The following DCHS2 variants were observed in gnomAD, a reference collection of about 807,000 sequenced individuals.
DCHS2 encodes dachsous cadherin-related 2.
A neutral mutation model predicts 182.4 loss-of-function variants in DCHS2; 142 were observed. The ratio of observed to expected loss-of-function variants is 0.78; its 90% CI spans 0.68 to 0.89. The LOEUF (loss-of-function observed/expected upper bound fraction) is 0.89, where lower values mean the gene tolerates loss of function less well. DCHS2 is among the 40% of genes least tolerant of loss of function. The probability of loss-of-function intolerance (pLI) is 0.00; values close to 1 mark genes in which losing one functional copy is unlikely to be tolerated. For synonymous variants in DCHS2, 1,740 were observed against 1,663.3 expected (o/e 1.05, Z -1.12); for missense variants, 4,319 against 4,198.6 (o/e 1.03, Z -0.79).
At chr4:154,476,235 A>G (rs1230076666) in intron 1 of DCHS2, among the ~76,000 whole-genome samples, 1 of 152,238 alleles carries the variant, frequency 6.6e-6, no homozygotes, top group African/African-American at 2.4e-5. Flanking sequence ...TGGAAACTCA[A>G]GGTTAAAAGA....
chr4:154,408,418 A>G lies in DCHS2; in HGVS notation c.2053-30974T>C, dbSNP rs1344773912. ...CATAGGAGATCAATCTATAATTTGT[A>G]TATGTTGACCACGGAAAATAAAATG... On this transcript the variant is annotated intron_variant, in intron 1 of 19. Coordinates refer to ENST00000357232, the MANE Select transcript of DCHS2 (RefSeq NM_001358235.2). Among the ~76,000 whole-genome samples, 4 of 152,218 alleles carry G rather than the reference A, an allele frequency of 2.6e-5. 1 individual carries two copies. The South Asian group carries it at 6.2e-4, about 24-fold the overall frequency.
At chr4:154,309,990 G>A (rs932628705) in intron 10 of DCHS2, among the ~76,000 whole-genome samples, 3 of 152,192 alleles carry the variant, frequency 2.0e-5, no homozygotes, top group Admixed American at 6.5e-5. Flanking sequence ...AAGCTGGAAA[G>A]CTCCTATATA....
At chr4:154,331,536 C>T in intron 5 of DCHS2, 1 of 1,553,190 alleles carries the variant, frequency 6.4e-7, no homozygotes, top group Non-Finnish European at 8.7e-7. Context: ...ACCTTCTTGG[C>T]AAGCCATGTG....
rs147315303 is a variant in DCHS2, at chr4:154,245,629, A to T, written c.6942-2857T>A. On this transcript the variant is annotated intron_variant, in intron 16 of 19. Coordinates refer to ENST00000357232, the MANE Select transcript of DCHS2 (RefSeq NM_001358235.2). ...ACTATGATTTCTGGTTAAAGACAGC[A>T]AGCTGACTACACAGGTTTTATCTTC... 4.1e-3 allele frequency among the ~76,000 whole-genome samples: 631 copies of T among 152,310 alleles called. 9 individuals are homozygous for T. The highest frequency in any genetic ancestry group is 0.015 in the African/African-American group (613 of 41,576).
intron 3 of DCHS2, among the ~76,000 whole-genome samples, chr4:154,361,534 G>A (rs913577542): frequency 7.9e-5 from 12 of 152,126 alleles, no homozygotes; most frequent in South Asian, 4.2e-4. Flanking sequence ...GTTTCTTCCC[G>A]TTAAAACTCA....
Position 154,328,245 on chromosome 4 carries a change from A to G in DCHS2, c.3919-53T>C, listed in dbSNP as rs144786309. 616 of 1,286,408 alleles carry G rather than the reference A, an allele frequency of 4.8e-4. 2 individuals carry two copies. The African/African-American group carries it at 7.6e-3, about 16-fold the overall frequency. 79.7% of individuals were successfully genotyped at this position (1,286,408 alleles called of 1,614,324 possible). On this transcript the variant is annotated intron_variant, in intron 6 of 19. Transcript: ENST00000357232. ...TGAGTCAGCAAAAGTTTAAAAAGAAATATCAGTGGACCTTTAAATGAATGA... is the reference window on the plus strand; with the variant it reads ...TGAGTCAGCAAAAGTTTAAAAAGAAGTATCAGTGGACCTTTAAATGAATGA...
intron 3 of DCHS2, among the ~76,000 whole-genome samples, chr4:154,355,266 C>A (rs1316819260): frequency 6.6e-6 from 1 of 152,022 alleles, no homozygotes; most frequent in Non-Finnish European, 1.5e-5. Flanking sequence ...ATGAAAGCAA[C>A]CTATGATCAT....
At chr4:154,347,556 A>G (rs778675796) in intron 3 of DCHS2, among the ~76,000 whole-genome samples, 2 of 151,894 alleles carry the variant, frequency 1.3e-5, no homozygotes, top group South Asian at 2.1e-4. Flanking sequence ...GTACTACAGT[A>G]TAGTACTACA....
At chr4:154,259,034 G>A (rs1732841738) in intron 15 of DCHS2, among the ~76,000 whole-genome samples, 1 of 152,104 alleles carries the variant, frequency 6.6e-6, no homozygotes, top group African/African-American at 2.4e-5. Context: ...AGGATGGGTG[G>A]GTTTTACAGC....
At chr4:154,420,621 G>T (rs1421016863) in intron 1 of DCHS2, among the ~76,000 whole-genome samples, 1 of 152,114 alleles carries the variant, frequency 6.6e-6, no homozygotes, top group African/African-American at 2.4e-5. Flanking sequence ...GAGAGTCAGT[G>T]AATTCACCTT....
At chr4:154,478,777 G>C (rs769702663) in intron 1 of DCHS2, among the ~76,000 whole-genome samples, 1 of 152,138 alleles carries the variant, frequency 6.6e-6, no homozygotes, top group African/African-American at 2.4e-5. Context: ...GAACTGAAAT[G>C]GGGCTTTCAC....
chr4:154,242,552 A>C, intron 17 of DCHS2, 90 bp downstream of exon 17: 1 of 1,464,620 alleles, frequency 6.8e-7, no homozygotes, highest in Non-Finnish European at 9.0e-7. Context: ...GAGGATTAGC[A>C]CTCATGTTAA....
At chr4:154,484,447 T>G (rs1728505179) in intron 1 of DCHS2, among the ~76,000 whole-genome samples, 1 of 152,096 alleles carries the variant, frequency 6.6e-6, no homozygotes, top group Non-Finnish European at 1.5e-5. Flanking sequence ...AACACTGATA[T>G]CTCCCATGTC....
At chr4:154,330,793 T>C (rs962624233) in intron 5 of DCHS2, among the ~76,000 whole-genome samples, 2 of 152,230 alleles carry the variant, frequency 1.3e-5, no homozygotes, top group South Asian at 4.1e-4. Flanking sequence ...ATATATAAAC[T>C]ATATTTATAG....
rs751554085 is a variant in DCHS2, at chr4:154,236,203, C to T, written c.8449G>A (p.Gly2817Arg). The T allele has an allele frequency of 6.2e-7, 1 of 1,613,876 alleles. No individual in the cohort carries two copies. Among genetic ancestry groups the T allele is most frequent in the South Asian group, 1.1e-5 (1 of 91,078 alleles). Residue 2817 changes from glycine (G) to arginine (R), a missense_variant, in exon 20 of 20, where the codon GGA (glycine) becomes AGA (arginine). Physicochemically the swap from Gly to Arg is moderately radical, Grantham distance 125. Coordinates refer to ENST00000357232, the MANE Select transcript of DCHS2 (RefSeq NM_001358235.2). ...AAGAGATCATGATCATAAGACATTC[C>T]ATGAGTGAGAAAACAGGGTGATACA... ...SIVSPCFLTH[G>R]MSYDHDLFLI...
At chr4:154,338,379 T>A in intron 3 of DCHS2, among the ~76,000 whole-genome samples, 1 of 152,250 alleles carries the variant, frequency 6.6e-6, no homozygotes, top group South Asian at 2.1e-4. Context: ...GTAGTTTAGA[T>A]AAGAAACAAT....
At chr4:154,455,918 C>T (rs535986854) in intron 1 of DCHS2, among the ~76,000 whole-genome samples, 33 of 151,948 alleles carry the variant, frequency 2.2e-4, no homozygotes, top group African/African-American at 4.8e-4. Flanking sequence ...GGTGAAACCC[C>T]GTCTCTATTA....
At chr4:154,373,907 T>A in intron 2 of DCHS2, 1 of 1,593,988 alleles carries the variant, frequency 6.3e-7, no homozygotes, top group Middle Eastern at 1.7e-4. Context: ...TATAGAAACA[T>A]CATGTTCCTT....
chr4:154,270,147 C>T, intron 13 of DCHS2, 134 bp from the exon 14 acceptor site: 2 of 1,129,936 alleles, frequency 1.8e-6, no homozygotes, highest in East Asian at 2.7e-5. Context: ...AACTTATTGT[C>T]TTCAATGAGC....
Sources: gnomAD v4.1 joint callset for allele counts (sites outside exome capture counted in the v4.1 genomes callset) on GRCh38, gnomAD v4.1.1 for gene constraint, MANE v1.5 for transcripts, NCBI Gene and HGNC (gene_info 2026-07-23, HGNC 2026-07-21) for gene names.